The following RASAL2 variants were observed in gnomAD, a reference collection of about 807,000 sequenced individuals.
RASAL2 encodes the protein RAS protein activator like 2.
In RASAL2, 58 loss-of-function variants were observed where a neutral mutation model predicts 128.9. The ratio of observed to expected loss-of-function variants is 0.45; its 90% CI spans 0.36 to 0.56. RASAL2 has a LOEUF of 0.56. RASAL2 is among the 20% of genes least tolerant of loss of function. RASAL2 has a pLI of 0.00. For synonymous variants in RASAL2, 561 were observed against 580.8 expected, an observed-to-expected ratio of 0.97 and a Z score of 0.49; for missense variants, 1,360 against 1,601.6, an observed-to-expected ratio of 0.85 and a Z score of 2.57.
rs572766354 is a variant in RASAL2 at position 178,138,287 on chromosome 1, A to G, written c.202+43593A>G. 1.5e-3 allele frequency among the ~76,000 whole-genome samples: 235 copies of G among 152,304 alleles called. 1 individual carries two copies. The highest frequency in any genetic ancestry group is 5.4e-3 in the African/African-American group (225 of 41,566). ...TAACCATGCTTAAAGTCATGAGCTG[A>G]TTCTCCTGAAGTTCCCTGAAATAGT... On this transcript the variant is annotated intron_variant, in intron 1 of 17. Coordinates refer to ENST00000367649, the MANE Select transcript of RASAL2 (RefSeq NM_170692.4).
intron 3 of RASAL2, among the ~76,000 whole-genome samples, chr1:178,317,677 C>T (rs1668554247): frequency 1.4e-5 from 2 of 147,884 alleles, no homozygotes; most frequent in African/African-American, 5.0e-5. Flanking sequence ...TTTGATTCTT[C>T]TCTCTTTTTT....
At chr1:178,429,109 G>A (rs1199700611) in intron 5 of RASAL2, among the ~76,000 whole-genome samples, 6 of 152,026 alleles carry the variant, frequency 3.9e-5, no homozygotes, top group Non-Finnish European at 7.4e-5. Context: ...CATTGACTCT[G>A]ACAGATGCAT....
At chr1:178,220,971 A>G (rs1333318977) in intron 1 of RASAL2, among the ~76,000 whole-genome samples, 1 of 152,212 alleles carries the variant, frequency 6.6e-6, no homozygotes, top group African/African-American at 2.4e-5. Flanking sequence ...CGTTAAGAGT[A>G]TGTTTAGTTT....
chr1:178,272,973 AT>A (rs1666328581), intron 1 of RASAL2, among the ~76,000 whole-genome samples: 1 of 152,210 alleles, frequency 6.6e-6, no homozygotes, highest in Non-Finnish European at 1.5e-5. Context: ...ACGACTTGGA[AT>A]TTTTTTAACC....
chr1:178,436,504 A>G (rs989828834), intron 5 of RASAL2, among the ~76,000 whole-genome samples: 9 of 152,126 alleles, frequency 5.9e-5, no homozygotes, highest in African/African-American at 2.2e-4. Flanking sequence ...AGTTTTCACC[A>G]TCTTTCTGTA....
chr1:178,464,831 G>GTTT (rs986789340), intron 15 of RASAL2, among the ~76,000 whole-genome samples: 270 of 37,990 alleles, frequency 7.1e-3, no homozygotes, highest in East Asian at 0.011. Context: ...GGTTTTAGTT[G>GTTT]TTTTTTTTTT....
intron 1 of RASAL2, among the ~76,000 whole-genome samples, chr1:178,262,709 C>T (rs1411301481): frequency 6.6e-6 from 1 of 151,980 alleles, no homozygotes; most frequent in Non-Finnish European, 1.5e-5. Flanking sequence ...ACTTTTAGAG[C>T]TGGGAGTATT....
At chr1:178,252,945 C>T (rs774398242) in intron 1 of RASAL2, among the ~76,000 whole-genome samples, 28 of 152,146 alleles carry the variant, frequency 1.8e-4, no homozygotes, top group Non-Finnish European at 3.5e-4. Context: ...CCTGGATTAC[C>T]GTAGCAGCCT....
chr1:178,289,424 A>T (rs969386542), intron 2 of RASAL2, among the ~76,000 whole-genome samples: 1 of 152,120 alleles, frequency 6.6e-6, no homozygotes, highest in Non-Finnish European at 1.5e-5. Context: ...TCTTGAGACT[A>T]TAAATGTCCT....
intron 1 of RASAL2, among the ~76,000 whole-genome samples, chr1:178,263,403 C>T (rs1278383204): frequency 6.6e-6 from 1 of 152,108 alleles, no homozygotes; most frequent in Admixed American, 6.5e-5. Context: ...AAAACTGGAG[C>T]TCTAAGAAGT....
At chr1:178,128,870 T>C (rs1489369594) in intron 1 of RASAL2, among the ~76,000 whole-genome samples, 2 of 152,128 alleles carry the variant, frequency 1.3e-5, no homozygotes, top group African/African-American at 2.4e-5. Flanking sequence ...CTTCATTCTT[T>C]TTTTTGGCTG....
In RASAL2 at chr1:178,439,522, G is replaced by C; in HGVS notation, c.775G>C (p.Val259Leu). 1 of 1,612,972 alleles carries C rather than the reference G, an allele frequency of 6.2e-7. No homozygotes were observed. Among genetic ancestry groups the C allele is most frequent in the Non-Finnish European group, 8.5e-7 (1 of 1,179,302 alleles). ...ECLDLGRGEP[V>L]SVKPLHSSIL... ...TCTGGATCTTGGTAGAGGGGAACCT[G>C]TATCAGTGAAACCACTTCATAGTAG... Residue 259 changes from valine to leucine, a missense_variant, in exon 6 of 18, where the codon GTA becomes CTA. This residue lies in a region of RASAL2 where 617 missense variants were observed against 714.2 expected (regional missense o/e 0.86). Transcript: ENST00000367649.
chr1:178,450,111 T>C (rs1431911989), intron 9 of RASAL2, among the ~76,000 whole-genome samples: 1 of 152,148 alleles, frequency 6.6e-6, no homozygotes, highest in Non-Finnish European at 1.5e-5. Flanking sequence ...GATAACATTT[T>C]AAAACAGTCT....
At chr1:178,152,424 A>T (rs183892550) in intron 1 of RASAL2, among the ~76,000 whole-genome samples, 12 of 152,326 alleles carry the variant, frequency 7.9e-5, no homozygotes, top group African/African-American at 2.4e-4. Context: ...AAATTATTGA[A>T]TATGAAGAGG....
chr1:178,128,750 C>A (rs571722788), intron 1 of RASAL2, among the ~76,000 whole-genome samples: 1 of 152,236 alleles, frequency 6.6e-6, no homozygotes, highest in Admixed American at 6.5e-5. Flanking sequence ...CTAAATGTGC[C>A]ATTTCTGGAC....
At chr1:178,124,785 A>G (rs1316426101) in intron 1 of RASAL2, among the ~76,000 whole-genome samples, 3 of 152,156 alleles carry the variant, frequency 2.0e-5, no homozygotes, top group South Asian at 4.1e-4. Flanking sequence ...CTCCTTTGGG[A>G]GAGACTCTCT....
At chr1:178,424,366 C>T (rs1002759816) in intron 5 of RASAL2, among the ~76,000 whole-genome samples, 1 of 152,112 alleles carries the variant, frequency 6.6e-6, no homozygotes, top group Non-Finnish European at 1.5e-5. Context: ...CCTCAGCCTC[C>T]TGAGTAGCTT....
chr1:178,096,923 A>G (rs557225036), intron 1 of RASAL2, among the ~76,000 whole-genome samples: 2 of 152,300 alleles, frequency 1.3e-5, no homozygotes, highest in African/African-American at 2.4e-5. Flanking sequence ...TGCCTATTGT[A>G]TGAACAGGGT....
intron 1 of RASAL2, among the ~76,000 whole-genome samples, chr1:178,217,159 G>C (rs1162751803): frequency 6.6e-6 from 1 of 151,936 alleles, no homozygotes; most frequent in Non-Finnish European, 1.5e-5. Flanking sequence ...ATTTTTAGTA[G>C]AGATGAGGTT....
Sources: allele counts gnomAD v4.1 joint callset (sites outside exome capture counted in the v4.1 genomes callset), GRCh38; gene constraint gnomAD v4.1.1; regional missense constraint gnomAD v4.1.1; transcripts MANE v1.5; gene names NCBI Gene and HGNC (gene_info 2026-07-23, HGNC 2026-07-21).